CLDN14: variants seen among roughly 807,000 people sequenced by gnomAD.
CLDN14 encodes the protein claudin-14.
A neutral mutation model predicts 2.1 loss-of-function variants in CLDN14; 2 were observed. The observed-to-expected ratio is 0.96, with a 90% confidence interval of 0.39 to 3.01. The LOEUF is 3.01. Ranked by LOEUF, CLDN14 falls within the 30% of genes most tolerant of loss-of-function variation. CLDN14 has a pLI of 0.09. For synonymous variants in CLDN14, 136 were observed against 154.4 expected (o/e 0.88, Z 0.88); for missense variants, 298 against 328.0 (o/e 0.91, Z 0.71).
chr21:36,496,660 A>G (rs2087020988), intron 2 of CLDN14, among the ~76,000 whole-genome samples: 1 of 132,350 alleles, frequency 7.6e-6, no homozygotes, highest in Non-Finnish European at 1.6e-5. Context: ...CAGCCAATGG[A>G]GAAGAAAGCA....
intron 1 of CLDN14, among the ~76,000 whole-genome samples, chr21:36,464,583 C>T (rs2086622334): frequency 6.6e-6 from 1 of 152,212 alleles, no homozygotes; most frequent in South Asian, 2.1e-4. Flanking sequence ...GTCCTATGCT[C>T]ACTGCCCTGG....
intron 1 of CLDN14, 27 bp downstream of exon 1, chr21:36,479,468 A>G: frequency 3.7e-5 from 1 of 26,876 alleles, no homozygotes; most frequent in South Asian, 2.1e-3. Flanking sequence ...CGCCCACCCC[A>G]CATCCACAGC....
intron 1 of CLDN14, among the ~76,000 whole-genome samples, chr21:36,474,604 C>A (rs2086751280): frequency 6.6e-6 from 1 of 152,122 alleles, no homozygotes; most frequent in Non-Finnish European, 1.5e-5. Context: ...CCCAGGCAAT[C>A]CCCATCCCGC....
In CLDN14 at chr21:36,544,063, C is replaced by T. The variant is rs2087510894; in HGVS notation, c.-220+32348G>A. ...AGCCGCACCTGCACTGGCTGAATTG[C>T]TAGCAGCCGGGTTTCAATTTGGGGA... On this transcript the variant is annotated intron_variant, in intron 1 of 2. Coordinates refer to the CLDN14 transcript ENST00000342108. This position sits in a 1 kb window ranked among gnomAD's most constrained non-coding sequence, Gnocchi z 4.1. Among the ~76,000 whole-genome samples the T allele has an allele frequency of 6.6e-6, 1 of 152,240 alleles. No individual in the cohort carries two copies. Among genetic ancestry groups the T allele is most frequent in the Non-Finnish European group, 1.5e-5 (1 of 68,036 alleles).
chr21:36,486,894 G>T, intron 2 of CLDN14: 1 of 658,104 alleles, frequency 1.5e-6, no homozygotes, highest in East Asian at 3.3e-5. Flanking sequence ...GGATGCGGCC[G>T]GTGTCTAGAG....
At chr21:36,574,327 G>C (rs574691457) in intron 1 of CLDN14, among the ~76,000 whole-genome samples, 20 of 152,112 alleles carry the variant, frequency 1.3e-4, no homozygotes, top group Non-Finnish European at 2.8e-4. Flanking sequence ...AATAAATTTT[G>C]CTAGAACTAG....
intron 1 of CLDN14, among the ~76,000 whole-genome samples, chr21:36,472,385 A>T (rs1417004130): frequency 6.6e-6 from 1 of 152,214 alleles, no homozygotes; most frequent in African/African-American, 2.4e-5. Flanking sequence ...GTTGCCACTT[A>T]TTGAGAGCTT....
At chr21:36,532,030 C>T (rs2087384068) in intron 1 of CLDN14, 1 of 152,126 alleles carries the variant, frequency 6.6e-6, no homozygotes, top group Admixed American at 6.5e-5. Context: ...TGAAGTTCTC[C>T]AGATAACTAT....
At chr21:36,481,825 G>A (rs950238535), upstream of CLDN14, among the ~76,000 whole-genome samples, 18 of 152,304 alleles carry the variant, frequency 1.2e-4, no homozygotes, top group Admixed American at 1.0e-3. Flanking sequence ...TAAATAGAAA[G>A]GTATTGATTT....
chr21:36,561,175 A>G (rs966017309), intron 1 of CLDN14, among the ~76,000 whole-genome samples: 1 of 152,180 alleles, frequency 6.6e-6, no homozygotes, highest in South Asian at 2.1e-4. Context: ...ACAGACTCCA[A>G]GGGCTTAACT....
chr21:36,566,633 T>G (rs923716636), intron 1 of CLDN14, among the ~76,000 whole-genome samples: 1 of 152,204 alleles, frequency 6.6e-6, no homozygotes, highest in African/African-American at 2.4e-5. Flanking sequence ...TCCCTCGGAA[T>G]GATTTAGATG....
chr21:36,479,968 A>G lies in CLDN14; in HGVS notation c.-555T>C, dbSNP rs896151318. 3 of 152,086 alleles carry G rather than the reference A, an allele frequency of 2.0e-5. No individual in the cohort carries two copies. The highest frequency in any genetic ancestry group is 7.3e-5 in the African/African-American group (3 of 41,376). 9.4% of individuals were successfully genotyped at this position (152,086 alleles called of 1,614,324 possible). On this transcript the variant is annotated 5_prime_UTR_variant, in exon 1 of 2. Coordinates refer to ENST00000399135, the MANE Select transcript of CLDN14 (RefSeq NM_001146079.2). The stretch of plus-strand genomic sequence containing the variant: ...CCGGGTCCATTGGCTGTTCACACTC[A>G]CTTCCCTGTGTCCTGGAACTGCCTG...
chr21:36,475,361 C>T (rs538352401), intron 1 of CLDN14, among the ~76,000 whole-genome samples: 4 of 152,210 alleles, frequency 2.6e-5, no homozygotes, highest in Non-Finnish European at 5.9e-5. Flanking sequence ...GTGGAGAAGT[C>T]ACCTGGATCA....
At chr21:36,568,884 C>T (rs1475155109) in intron 1 of CLDN14, among the ~76,000 whole-genome samples, 1 of 152,190 alleles carries the variant, frequency 6.6e-6, no homozygotes, top group Non-Finnish European at 1.5e-5. Flanking sequence ...CCTTTGAATC[C>T]AATAACCCAT....
intron 1 of CLDN14, among the ~76,000 whole-genome samples, chr21:36,520,935 C>A (rs1195202010): frequency 6.6e-6 from 1 of 152,086 alleles, no homozygotes; most frequent in African/African-American, 2.4e-5. Flanking sequence ...AGAATGACCC[C>A]CGTGGGGACC....
intron 1 of CLDN14, among the ~76,000 whole-genome samples, chr21:36,534,373 T>C (rs1358377965): frequency 6.6e-6 from 1 of 152,102 alleles, no homozygotes; most frequent in Non-Finnish European, 1.5e-5. Flanking sequence ...GAAAAAGGGA[T>C]GATGGAAGCC....
chr21:36,489,131 A>AAAAAAT, intron 2 of CLDN14, among the ~76,000 whole-genome samples: 1,211 of 62,722 alleles, frequency 0.019, 19 homozygotes, highest in Middle Eastern at 0.081. Context: ...AAAAAAAAAA[A>AAAAAAT]ATATATATAT....
At chr21:36,532,246 G>A (rs950374654) in intron 1 of CLDN14, 2 of 152,148 alleles carry the variant, frequency 1.3e-5, no homozygotes, top group African/African-American at 2.4e-5. Flanking sequence ...GCTCCTCAGC[G>A]TCCTCATCGC....
At chr21:36,543,149 G>A (rs1325971749) in intron 1 of CLDN14, among the ~76,000 whole-genome samples, 1 of 152,162 alleles carries the variant, frequency 6.6e-6, no homozygotes, top group Admixed American at 6.5e-5. Flanking sequence ...GCTGGGGCAG[G>A]GGCTGCCCTC....
Sources: gnomAD v4.1 joint callset for allele counts (sites outside exome capture counted in the v4.1 genomes callset) on GRCh38, gnomAD v4.1.1 for gene constraint, Gnocchi (gnomAD v3.1) non-coding constraint, MANE v1.5 for transcripts, NCBI Gene and HGNC (gene_info 2026-07-23, HGNC 2026-07-21) for gene names.